PTPRT: variants seen among roughly 807,000 people sequenced by gnomAD.
PTPRT encodes protein tyrosine phosphatase receptor type T.
PTPRT carries 56 observed loss-of-function variants against 176.8 expected under a neutral mutation model. The observed-to-expected ratio is 0.32, with a 90% CI of 0.26 to 0.40. PTPRT has a LOEUF of 0.40. PTPRT is among the 10% of genes least tolerant of loss of function. The pLI, the probability that PTPRT is intolerant of heterozygous loss-of-function variation, is 1.00. For synonymous variants in PTPRT, 783 were observed against 739.0 expected, an observed-to-expected ratio of 1.06 and a Z score of -0.96; for missense variants, 1,540 against 1,908.2, an observed-to-expected ratio of 0.81 and a Z score of 3.60.
intron 7 of PTPRT, among the ~76,000 whole-genome samples, chr20:42,549,961 A>C (rs760239879): frequency 6.6e-6 from 1 of 152,126 alleles, no homozygotes; most frequent in East Asian, 1.9e-4. Flanking sequence ...CAAAGACCAG[A>C]CTGTTTGTTT....
chr20:42,167,248 A>C (rs1039525086), intron 16 of PTPRT, among the ~76,000 whole-genome samples: 1 of 152,166 alleles, frequency 6.6e-6, no homozygotes, highest in Non-Finnish European at 1.5e-5. Context: ...GATGGCATCT[A>C]GGGAGTCATT....
At chr20:42,049,077 C>A in the PTPRT span, among the ~76,000 whole-genome samples, 1 of 152,182 alleles carries the variant, frequency 6.6e-6, no homozygotes, top group Admixed American at 6.5e-5. Context: ...TCATCAGCCT[C>A]CCAAAGTGCT....
chr20:42,968,552 T>C (rs1300789990), intron 1 of PTPRT, among the ~76,000 whole-genome samples: 1 of 152,142 alleles, frequency 6.6e-6, no homozygotes, highest in Non-Finnish European at 1.5e-5. Context: ...CTGCGAGTTA[T>C]GAAAATGGGC....
intron 2 of PTPRT, among the ~76,000 whole-genome samples, chr20:42,851,889 T>C (rs1158995612): frequency 1.3e-5 from 2 of 152,214 alleles, no homozygotes; most frequent in Non-Finnish European, 2.9e-5. Flanking sequence ...CCTTTCCCTC[T>C]AAAAAGCTGA....
At chr20:42,993,933 G>A (rs1171003693) in intron 1 of PTPRT, among the ~76,000 whole-genome samples, 1 of 152,018 alleles carries the variant, frequency 6.6e-6, no homozygotes, top group Non-Finnish European at 1.5e-5. Flanking sequence ...GAAACTGTCT[G>A]GACACAAGCC....
rs1270193747 is a variant in PTPRT at position 42,076,874 on chromosome 20, C to A, written c.*4005G>T. 5.0e-6 allele frequency: 1 copy of A among 199,932 alleles called. No individual in the cohort carries two copies. Among genetic ancestry groups the A allele is most frequent in the Non-Finnish European group, 1.0e-5 (1 of 96,992 alleles). 12.4% of individuals were successfully genotyped at this position (199,932 alleles called of 1,614,324 possible). On this transcript the variant is annotated 3_prime_UTR_variant, in exon 31 of 31. Coordinates refer to ENST00000373187, the MANE Select transcript of PTPRT (RefSeq NM_007050.6). ...TAAGCTTACTGTTGTTTGCTTTGAG[C>A]TTTATCCACTGACGTATCTGTTCCA...
At chr20:42,403,851 G>A (rs763805010) in intron 9 of PTPRT, among the ~76,000 whole-genome samples, 4 of 152,078 alleles carry the variant, frequency 2.6e-5, no homozygotes, top group Non-Finnish European at 4.4e-5. Context: ...CTCACTACTC[G>A]ATGGCTTATC....
chr20:42,136,232 CTTTTTTTTTTTTTTTT>C (rs397864699), intron 18 of PTPRT, among the ~76,000 whole-genome samples: 2 of 63,052 alleles, frequency 3.2e-5, no homozygotes, highest in Non-Finnish European at 5.4e-5. Context: ...AAGAACAGTG[CTTTTTTTTTTTTTTTT>C]TTTTTTTTTC....
intron 15 of PTPRT, among the ~76,000 whole-genome samples, chr20:42,218,903 T>C (rs1179076236): frequency 6.6e-6 from 1 of 152,196 alleles, no homozygotes; most frequent in Non-Finnish European, 1.5e-5. Context: ...ACTTTGGCTG[T>C]AAGAGGCAGT....
chr20:42,715,295 G>T (rs182231461), intron 6 of PTPRT, among the ~76,000 whole-genome samples: 3 of 152,252 alleles, frequency 2.0e-5, no homozygotes, highest in East Asian at 3.9e-4. Context: ...TAAGTAATTA[G>T]ATAGGCAAAC....
chr20:42,861,436 AT>A (rs1449626907), intron 2 of PTPRT, among the ~76,000 whole-genome samples: 10 of 152,094 alleles, frequency 6.6e-5, no homozygotes, highest in African/African-American at 1.4e-4. Flanking sequence ...TAATCAAAAT[AT>A]TTTTTTCTTT....
At chr20:42,478,733 A>T (rs1305745106) in intron 7 of PTPRT, among the ~76,000 whole-genome samples, 1 of 151,524 alleles carries the variant, frequency 6.6e-6, no homozygotes, top group Non-Finnish European at 1.5e-5. Flanking sequence ...CCTCGATGAC[A>T]TTTTTTTTCC....
chr20:42,703,874 T>A (rs2076011426), intron 6 of PTPRT, among the ~76,000 whole-genome samples: 1 of 152,126 alleles, frequency 6.6e-6, no homozygotes. Context: ...CATCCGGGGT[T>A]TGGTCCTATC....
At chr20:42,740,552 G>T (rs181817391) in intron 6 of PTPRT, among the ~76,000 whole-genome samples, 2 of 152,224 alleles carry the variant, frequency 1.3e-5, no homozygotes, top group Non-Finnish European at 2.9e-5. Flanking sequence ...TCCCAGCCCA[G>T]GTAGGTGTCA....
chr20:42,907,119 T>C (rs1335549938), intron 1 of PTPRT, among the ~76,000 whole-genome samples: 3 of 151,856 alleles, frequency 2.0e-5, no homozygotes, highest in Non-Finnish European at 2.9e-5. Flanking sequence ...AAAAAATGAA[T>C]ACAGTAGGAA....
At chr20:43,180,369 C>CTCTCTCTCTCTCTCTCTT (rs1208040640) in intron 1 of PTPRT, among the ~76,000 whole-genome samples, 24 of 151,356 alleles carry the variant, frequency 1.6e-4, no homozygotes, top group African/African-American at 5.8e-4. Flanking sequence ...CTCTCTCTCT[C>CTCTCTCTCTCTCTCTCTT]TCTGCCCCCA....
chr20:43,165,760 C>T (rs1391458025), intron 1 of PTPRT, among the ~76,000 whole-genome samples: 3 of 152,142 alleles, frequency 2.0e-5, no homozygotes, highest in Non-Finnish European at 2.9e-5. Flanking sequence ...GTCTGACTTA[C>T]GTTTTTAAAA....
intron 1 of PTPRT, among the ~76,000 whole-genome samples, chr20:43,112,639 CA>C (rs564148098): frequency 7.2e-5 from 11 of 152,254 alleles, no homozygotes; most frequent in Admixed American, 2.0e-4. Context: ...ATAGGGAGTG[CA>C]AGGAAGTTCC....
At chr20:42,965,607 C>T (rs1387600436) in intron 1 of PTPRT, among the ~76,000 whole-genome samples, 4 of 152,064 alleles carry the variant, frequency 2.6e-5, no homozygotes, top group African/African-American at 4.8e-5. Context: ...AGCATATCAC[C>T]GTTTAAAAAA....
Sources: gnomAD v4.1 joint callset for allele counts (sites outside exome capture counted in the v4.1 genomes callset) on GRCh38, gnomAD v4.1.1 for gene constraint, MANE v1.5 for transcripts, NCBI Gene and HGNC (gene_info 2026-07-23, HGNC 2026-07-21) for gene names.